The following BEND2 variants were observed in gnomAD, a reference collection of about 807,000 sequenced individuals.
BEND2 encodes the protein BEN domain containing 2.
A neutral mutation model predicts 43.8 loss-of-function variants in BEND2; 19 were observed. The ratio of observed to expected loss-of-function variants is 0.43; its 90% CI spans 0.30 to 0.64. BEND2 has a LOEUF of 0.64. BEND2 is among the 30% of genes least tolerant of loss of function. The pLI, the probability that BEND2 is intolerant of heterozygous loss-of-function variation, is 0.11. For synonymous variants in BEND2, 226 were observed against 210.1 expected, an observed-to-expected ratio of 1.08 and a Z score of -0.66; for missense variants, 544 against 574.0, an observed-to-expected ratio of 0.95 and a Z score of 0.53.
chrX:18,218,181 GAAATAAAGTT>G (rs767900306), intron 1 of BEND2, among the ~76,000 whole-genome samples: 7 of 110,965 alleles, frequency 6.3e-5, no homozygotes, highest in Non-Finnish European at 1.3e-4. Flanking sequence ...ATATGCTTGT[GAAATAAAGTT>G]AAATAAAGTT....
chrX:18,216,482 G>T (rs201874516), intron 2 of BEND2, 39 bp downstream of exon 2: 15 of 1,103,149 alleles, frequency 1.4e-5, no homozygotes, highest in East Asian at 3.0e-5. Flanking sequence ...GGGGACCAGA[G>T]AGTAAAATTT....
Position 18,174,018 on chromosome X carries a change from A to T in BEND2, c.1981+12T>A, listed in dbSNP as rs200956606. The stretch of plus-strand genomic sequence containing the variant: ...AGAACTTATTTAAATATAAGTTTTT[A>T]AAAAAACTCACTCCATGCTTCACCA... On this transcript the variant is annotated intron_variant, in intron 12 of 13. Transcript: ENST00000380033. 4.0e-3 allele frequency: 4,757 copies of T among 1,181,563 alleles called. 11 individuals carry two copies. The highest frequency in any genetic ancestry group is 4.8e-3 in the Non-Finnish European group (4,196 of 875,247).
chrX:18,182,666 T>C (rs1349716789), intron 8 of BEND2, among the ~76,000 whole-genome samples: 1 of 110,693 alleles, frequency 9.0e-6, no homozygotes. Flanking sequence ...AAGCAAAAAC[T>C]GAAAGAGTAG....
chrX:18,181,440 T>C (rs1007648216), intron 8 of BEND2, among the ~76,000 whole-genome samples: 11 of 110,928 alleles, frequency 9.9e-5, no homozygotes, highest in Non-Finnish European at 1.7e-4. Flanking sequence ...GGTGAATGGT[T>C]AAAGGAACTG....
intron 8 of BEND2, among the ~76,000 whole-genome samples, chrX:18,181,869 A>T (rs777963484): frequency 8.9e-6 from 1 of 112,118 alleles, no homozygotes; most frequent in South Asian, 3.8e-4. Context: ...CAGAAAAATA[A>T]TAAAATGGAA....
intron 4 of BEND2, among the ~76,000 whole-genome samples, chrX:18,211,962 G>T (rs1925516941): frequency 9.2e-6 from 1 of 108,356 alleles, no homozygotes. Context: ...TGAAGTTCTA[G>T]AACAGGCAAA....
chrX:18,164,992 A>G lies in BEND2; in HGVS notation c.*17T>C, dbSNP rs747749539. 3.5e-6 allele frequency: 4 copies of G among 1,158,055 alleles called. No individual in the cohort carries two copies. Among genetic ancestry groups the G allele is most frequent in the Non-Finnish European group, 4.6e-6 (4 of 871,659 alleles). On this transcript the variant is annotated 3_prime_UTR_variant, in exon 14 of 14. Transcript: ENST00000380033. ...TCTTAACAGTTAAAAAAAAAAAAAA[A>G]GTTTGGCAGCTGCCGTTCAGGTGCT...
chrX:18,175,614 T>C (rs1009387167), intron 11 of BEND2, among the ~76,000 whole-genome samples: 4 of 112,127 alleles, frequency 3.6e-5, no homozygotes, highest in African/African-American at 1.3e-4. Context: ...TCAGCTACCA[T>C]TGAAACAGCC....
At chrX:18,181,816 G>A (rs1384130378) in intron 8 of BEND2, among the ~76,000 whole-genome samples, 1 of 111,385 alleles carries the variant, frequency 9.0e-6, no homozygotes, top group Non-Finnish European at 1.9e-5. Context: ...TAACTCACAG[G>A]AAGGCAAGAA....
intron 6 of BEND2, among the ~76,000 whole-genome samples, chrX:18,195,645 C>T (rs955323859): frequency 9.0e-6 from 1 of 111,027 alleles, no homozygotes; most frequent in Non-Finnish European, 1.9e-5. Context: ...CTTTGGGAGG[C>T]GGAGACAAGT....
intron 1 of BEND2, among the ~76,000 whole-genome samples, chrX:18,219,162 AG>A (rs758826350): frequency 8.9e-6 from 1 of 112,198 alleles, no homozygotes; most frequent in South Asian, 3.7e-4. Flanking sequence ...CACTTGCCAC[AG>A]GCCGGACAAG....
At chrX:18,219,318 A>T (rs1330827106) in intron 1 of BEND2, among the ~76,000 whole-genome samples, 1 of 112,638 alleles carries the variant, frequency 8.9e-6, no homozygotes, top group African/African-American at 3.2e-5. Context: ...CCACCAGCCA[A>T]ATCAGGGCCT....
rs1923765685 is a variant in BEND2, at chrX:18,164,282, C to T, written c.*727G>A. 9.0e-6 allele frequency: 1 copy of T among 111,091 alleles called. No individual in the cohort carries two copies. Among genetic ancestry groups the T allele is most frequent in the African/African-American group, 3.3e-5 (1 of 30,507 alleles). 9.2% of individuals were successfully genotyped at this position (111,091 alleles called of 1,213,427 possible). A position where few individuals can be genotyped will look rare whatever the true frequency, so the allele number is the denominator to read the frequency against. On this transcript the variant is annotated 3_prime_UTR_variant, in exon 14 of 14. Coordinates refer to ENST00000380033, the MANE Select transcript of BEND2 (RefSeq NM_153346.5). ...TCAGGTGATCCACCCGTCTCGGCCT[C>T]CCAAAGTGCTGGGATTACAGGTGTG...
intron 6 of BEND2, among the ~76,000 whole-genome samples, chrX:18,197,433 CA>C (rs763395210): frequency 5.3e-4 from 59 of 110,805 alleles, no homozygotes; most frequent in African/African-American, 1.6e-3. Context: ...GACTCCGCCT[CA>C]AAAAAATAAA....
At chrX:18,180,751 A>T (rs1924353523) in intron 8 of BEND2, 101 bp from the exon 9 acceptor site, 4 of 602,904 alleles carry the variant, frequency 6.6e-6, no homozygotes, top group Non-Finnish European at 7.6e-6. Flanking sequence ...AACTAAAAAG[A>T]TTTGTTGCCA....
chrX:18,190,052 A>G (rs1924707281), intron 8 of BEND2, among the ~76,000 whole-genome samples: 1 of 108,943 alleles, frequency 9.2e-6, no homozygotes, highest in Non-Finnish European at 1.9e-5. Flanking sequence ...TCTATCTCAA[A>G]AAAAAAAAAA....
intron 1 of BEND2, among the ~76,000 whole-genome samples, chrX:18,220,309 A>G (rs1192988961): frequency 8.9e-6 from 1 of 112,300 alleles, no homozygotes; most frequent in East Asian, 2.8e-4. Context: ...CGGCGTCGCG[A>G]GCGCCGAGAT....
intron 8 of BEND2, 131 bp from the exon 9 acceptor site, chrX:18,180,781 TTTTC>T (rs1326613352): frequency 4.0e-6 from 2 of 498,649 alleles, no homozygotes; most frequent in Non-Finnish European, 3.3e-6. Context: ...CTCTTTTTTT[TTTTC>T]TTTCTTTCTT....
In BEND2 at chrX:18,171,112, A is replaced by T. The variant is rs756621415; in HGVS notation, c.2074T>A (p.Tyr692Asn). 1.7e-6 allele frequency: 2 copies of T among 1,209,978 alleles called. No individual in the cohort carries two copies. The highest frequency in any genetic ancestry group is 2.2e-6 in the Non-Finnish European group (2 of 894,326). Residue 692 changes from tyrosine to asparagine, a missense_variant, in exon 13 of 14, where the codon TAC becomes AAC. By Grantham distance (143) the Tyr-to-Asn change is moderately radical. Around this residue, in one of 2 missense-constraint regions of BEND2, gnomAD observed 501 missense variants for 501.6 expected, o/e 1.00. Coordinates refer to ENST00000380033, the MANE Select transcript of BEND2 (RefSeq NM_153346.5). ...TKSCASLSAR[Y>N]LIQKLFTKDV... Reference sequence around the variant, plus strand: ...TTTGTGAAGAGTTTCTGAATAAGGTATCTAGCCGACAGGCTTGCGCAAGAC... The same window carrying T: ...TTTGTGAAGAGTTTCTGAATAAGGTTTCTAGCCGACAGGCTTGCGCAAGAC...
Sources: allele counts gnomAD v4.1 joint callset (sites outside exome capture counted in the v4.1 genomes callset), GRCh38; gene constraint gnomAD v4.1.1; regional missense constraint gnomAD v4.1.1; transcripts MANE v1.5; gene names NCBI Gene and HGNC (gene_info 2026-07-23, HGNC 2026-07-21).